The following VWA5B1 variants were observed in gnomAD, a reference collection of about 807,000 sequenced individuals.
VWA5B1 encodes the protein von Willebrand factor A domain containing 5B1, also known as von Willebrand factor A domain-containing protein 5B1.
A neutral mutation model predicts 118.2 loss-of-function variants in VWA5B1; 115 were observed. The ratio of observed to expected loss-of-function variants is 0.97; its 90% CI spans 0.84 to 1.14. The LOEUF (loss-of-function observed/expected upper bound fraction) is 1.14. Ranked by LOEUF, VWA5B1 falls within the 50% of genes most tolerant of loss-of-function variation. The pLI is 0.00. For missense variants in VWA5B1, 1,596 were observed against 1,603.8 expected (o/e 1.00, Z 0.08); for synonymous variants, 682 against 658.4 (o/e 1.04, Z -0.55).
At chr1:20,336,541 A>G in intron 13 of VWA5B1, 55 bp downstream of exon 13, 5 of 1,291,738 alleles carry the variant, frequency 3.9e-6, no homozygotes, top group Non-Finnish European at 5.0e-6. Flanking sequence ...ACTATGTGCT[A>G]AGCACTTGGT....
chr1:20,342,356 G>A lies in VWA5B1; in HGVS notation c.2134-76G>A, dbSNP rs910521657. ...AGGAAGGAGGGTCCAGCCACCAGGA[G>A]CTCTTCCTCCTCCTTCTCCTCCTCC... On this transcript the variant is annotated intron_variant, in intron 14 of 21. Coordinates refer to ENST00000289815, the MANE Select transcript of VWA5B1 (RefSeq NM_001039500.3). The A allele has an allele frequency of 1.2e-5, 18 of 1,466,770 alleles. No homozygotes were observed. In the Admixed American group the frequency reaches 3.3e-4, roughly 27 times the overall value. The allele number at this position is 1,466,770 out of a possible 1,614,324, so 90.9% of individuals were successfully genotyped here.
At chr1:20,335,419 G>T (rs567650976) in intron 12 of VWA5B1, among the ~76,000 whole-genome samples, 106 of 152,260 alleles carry the variant, frequency 7.0e-4, no homozygotes, top group South Asian at 6.8e-3. Flanking sequence ...AAGTTTTTAT[G>T]AAACAAAAAA....
rs777233754 is a variant in VWA5B1, at chr1:20,323,368, C to T, written c.979C>T (p.Arg327Ter). 5.7e-5 allele frequency: 85 copies of T among 1,482,976 alleles called. No homozygotes were observed. The Middle Eastern group carries it at 1.4e-3, about 24-fold the overall frequency. 91.9% of individuals were successfully genotyped at this position (1,482,976 alleles called of 1,614,324 possible). ...SRAERKTEII[R>*]KRLHKDIPHH... Reference sequence around the variant, plus strand: ...TTTCCTCTTCCAGACAGAAATCATTCGAAAACGCCTCCACAAAGACATTCC... The same window carrying T: ...TTTCCTCTTCCAGACAGAAATCATTTGAAAACGCCTCCACAAAGACATTCC... The change falls in exon 8 of 22, where the codon CGA becomes TGA. Residue 327 changes from arginine (R) to a stop codon, truncating the protein, a stop_gained. Transcript: ENST00000289815. LOFTEE classifies it high-confidence loss of function.
intron 1 of VWA5B1, among the ~76,000 whole-genome samples, chr1:20,293,112 C>T (rs996398576): frequency 1.9e-4 from 29 of 152,298 alleles, no homozygotes; most frequent in African/African-American, 7.0e-4. Flanking sequence ...GACAGGCAGC[C>T]CCACCCAGGG....
chr1:20,356,178 G>C lies in VWA5B1; in HGVS notation c.*1915G>C, dbSNP rs558773480. Among the ~76,000 whole-genome samples the C allele has an allele frequency of 2.0e-5, 3 of 152,292 alleles. No individual in the cohort carries two copies. In the South Asian group the frequency reaches 6.2e-4, roughly 32 times the overall value. The stretch of plus-strand genomic sequence containing the variant: ...AGCTTCAGGGTAAGGGTGGCCGGGG[G>C]TGGCATCTACTTCCTGGACCACAAG... On this transcript the variant is annotated 3_prime_UTR_variant, in exon 22 of 22. Transcript: ENST00000289815.
chr1:20,297,996 A>ATTTTT lies in VWA5B1; in HGVS notation c.-27+6926_-27+6930dup, dbSNP rs60497976. Among the ~76,000 whole-genome samples, 567 of 126,530 alleles carry ATTTTT rather than the reference A, an allele frequency of 4.5e-3. 10 individuals carry two copies. The highest frequency in any genetic ancestry group is 0.015 in the East Asian group (59 of 3,848). 83.0% of individuals were successfully genotyped at this position (126,530 alleles called of 152,430 possible). A position where few individuals can be genotyped will look rare whatever the true frequency, so the allele number is the denominator to read the frequency against. ...GATTACTTTCATGACTCGGTGGTGG[A>ATTTTT]TTTTTTTTTTTTTTTTTTTTTTGTT... On this transcript the variant is annotated intron_variant, in intron 1 of 21. Transcript: ENST00000289815.
At chr1:20,350,793 G>A (rs2090113540) in intron 19 of VWA5B1, 64 bp from the exon 20 acceptor site, 1 of 1,466,978 alleles carries the variant, frequency 6.8e-7, no homozygotes, top group Non-Finnish European at 9.3e-7. Context: ...TCCCCCAGTT[G>A]GTCAGTGAGC....
chr1:20,303,978 C>T (rs1197234948), intron 1 of VWA5B1, among the ~76,000 whole-genome samples: 5 of 152,312 alleles, frequency 3.3e-5, no homozygotes, highest in African/African-American at 1.2e-4. Flanking sequence ...GCTTTTGGAC[C>T]TCCATCTGAA....
chr1:20,331,472 T>C (rs2089553733), intron 11 of VWA5B1, among the ~76,000 whole-genome samples: 2 of 152,164 alleles, frequency 1.3e-5, no homozygotes. Context: ...TGAAGATGTT[T>C]ATTGGGGATA....
intron 2 of VWA5B1, 45 bp from the exon 3 acceptor site, chr1:20,312,791 G>A (rs1316945338): frequency 1.3e-6 from 2 of 1,519,338 alleles, no homozygotes; most frequent in Non-Finnish European, 1.8e-6. Flanking sequence ...GGGGTGTGCA[G>A]GGTAGGCCTG....
chr1:20,317,604 C>G lies in VWA5B1; in HGVS notation c.638C>G (p.Thr213Ser), dbSNP rs2100864371. 6.4e-7 allele frequency: 1 copy of G among 1,551,934 alleles called. No homozygotes were observed. Residue 213 changes from threonine to serine, a missense_variant, in exon 5 of 22, where the codon ACC becomes AGC. Coordinates refer to ENST00000289815, the MANE Select transcript of VWA5B1 (RefSeq NM_001039500.3). ...NKLCLATLLNTEVSNPMEYEF... is the reference protein window; with the variant it reads ...NKLCLATLLNSEVSNPMEYEF... ...TTGTGCCTGGCGACTCTCCTGAACA[C>G]CGAAGTGTCCAACCCCATGGAGTAT...
At chr1:20,349,666 G>A (rs1206048897) in intron 18 of VWA5B1, among the ~76,000 whole-genome samples, 1 of 149,964 alleles carries the variant, frequency 6.7e-6, no homozygotes, top group Non-Finnish European at 1.5e-5. Context: ...ACAGGCATAA[G>A]CCACCATGCC....
Position 20,330,876 on chromosome 1 carries a change from A to C in VWA5B1, c.1465A>C (p.Ser489Arg). ...RNHAFSTRCYSFGIGPNVCHR... is the reference protein window; with the variant it reads ...RNHAFSTRCYRFGIGPNVCHR... ...CTTCTCCCTTTCCGCCAGGTGCTAT[A>C]GCTTTGGAATTGGACCCAACGTCTG... The change falls in exon 11 of 22, where the codon AGC (serine) becomes CGC (arginine). Residue 489 changes from serine to arginine, a missense_variant. By Grantham distance (110) the Ser-to-Arg change is moderately radical. Transcript: ENST00000289815. The C allele has an allele frequency of 6.4e-7, 1 of 1,551,732 alleles. No homozygotes were observed.
chr1:20,331,053 A>T, intron 11 of VWA5B1, 70 bp downstream of exon 11: 1 of 1,325,420 alleles, frequency 7.5e-7, no homozygotes, highest in Non-Finnish European at 1.0e-6. Flanking sequence ...TCACATGGCA[A>T]CTCAGTGGTG....
At chr1:20,335,414 T>G (rs1202684260) in intron 12 of VWA5B1, among the ~76,000 whole-genome samples, 8 of 152,218 alleles carry the variant, frequency 5.3e-5, no homozygotes, top group African/African-American at 1.9e-4. Flanking sequence ...TAGCAAAGTT[T>G]TTATGAAACA....
chr1:20,321,113 C>CAAAAAAAAAAAAAAAAAAAAAAA (rs4062863), intron 7 of VWA5B1, among the ~76,000 whole-genome samples: 1 of 94,196 alleles, frequency 1.1e-5, no homozygotes. Flanking sequence ...GTAACAGAGG[C>CAAAAAAAAAAAAAAAAAAAAAAA]AAAAAAAAAA....
In VWA5B1 at chr1:20,357,564, C is replaced by T. The variant is rs1468147991; in HGVS notation, c.*3301C>T. Among the ~76,000 whole-genome samples the T allele has an allele frequency of 1.3e-5, 2 of 152,236 alleles. No homozygotes were observed. Among genetic ancestry groups the T allele is most frequent in the Non-Finnish European group, 2.9e-5 (2 of 68,038 alleles). ...TCCTGCGGCACTGGCGTTCAGAAAGCCTTTACTGGGTGCCTACTGTATGCC... is the reference window on the plus strand; with the variant it reads ...TCCTGCGGCACTGGCGTTCAGAAAGTCTTTACTGGGTGCCTACTGTATGCC... On this transcript the variant is annotated 3_prime_UTR_variant, in exon 22 of 22. Coordinates refer to ENST00000289815, the MANE Select transcript of VWA5B1 (RefSeq NM_001039500.3).
intron 14 of VWA5B1, chr1:20,338,967 C>A (rs2089801064): frequency 6.6e-6 from 1 of 152,342 alleles, no homozygotes; most frequent in Non-Finnish European, 1.5e-5. Flanking sequence ...TGCCTGGCAG[C>A]AGAGAGAATT....
Position 20,314,589 on chromosome 1 carries a change from A to AG in VWA5B1, c.563+1dup, listed in dbSNP as rs1373030664. The AG allele has an allele frequency of 6.4e-7, 1 of 1,551,010 alleles. No individual in the cohort carries two copies. Among genetic ancestry groups the AG allele is most frequent in the Non-Finnish European group, 8.7e-7 (1 of 1,146,840 alleles). On this transcript the variant is annotated frameshift_variant, in exon 4 of 22. Coordinates refer to ENST00000289815, the MANE Select transcript of VWA5B1 (RefSeq NM_001039500.3). LOFTEE classifies it high-confidence loss of function. ...ACTGGCACCTCCAACCAACAGGCCC[A>AG]GGGGTAAGGAAGCCCTGCCCAGACC...
Sources: allele counts gnomAD v4.1 joint callset (sites outside exome capture counted in the v4.1 genomes callset), GRCh38; gene constraint gnomAD v4.1.1; transcripts MANE v1.5; gene names NCBI Gene and HGNC (gene_info 2026-07-23, HGNC 2026-07-21).